The following PHF3 variants were observed in gnomAD, a reference collection of about 807,000 sequenced individuals.
PHF3 encodes PHD finger protein 3.
PHF3 carries 41 observed loss-of-function variants against 178.4 expected under a neutral mutation model. That is an observed-to-expected ratio of 0.23 (90% confidence interval 0.18 to 0.30). The LOEUF (loss-of-function observed/expected upper bound fraction) is 0.30. Ranked by LOEUF, PHF3 falls within the 10% of genes least tolerant of loss-of-function variation. PHF3 has a pLI of 1.00. For missense variants in PHF3, 2,346 were observed against 2,398.1 expected, an observed-to-expected ratio of 0.98 and a Z score of 0.45; for synonymous variants, 842 against 800.5, an observed-to-expected ratio of 1.05 and a Z score of -0.88.
intron 6 of PHF3, among the ~76,000 whole-genome samples, chr6:63,697,773 A>T (rs1582098930): frequency 6.6e-6 from 1 of 152,214 alleles, no homozygotes; most frequent in East Asian, 1.9e-4. Context: ...GTGCTGGTAT[A>T]ATAAGTCAGA....
rs1260818908 is a variant in PHF3, at chr6:63,716,550, G to A, written c.*2842G>A. ...TGTGATGAATTACTACAAGTGTAGT[G>A]GCTTAAAACCACACAAATTTATGAT... On this transcript the variant is annotated 3_prime_UTR_variant, in exon 16 of 16. Coordinates refer to ENST00000262043, the MANE Select transcript of PHF3 (RefSeq NM_001370348.2). Among the ~76,000 whole-genome samples, 2 of 152,034 alleles carry A rather than the reference G, an allele frequency of 1.3e-5. No individual in the cohort carries two copies. Among genetic ancestry groups the A allele is most frequent in the Non-Finnish European group, 2.9e-5 (2 of 67,980 alleles).
chr6:63,676,231 C>A (rs866638834), intron 2 of PHF3, among the ~76,000 whole-genome samples: 28 of 152,190 alleles, frequency 1.8e-4, no homozygotes, highest in African/African-American at 6.5e-4. Context: ...ACCTACTATA[C>A]ACAAGGTTGT....
rs1768129806 is a variant in PHF3 at position 63,714,822 on chromosome 6, T to G, written c.*1114T>G. 1 of 152,036 alleles carries G rather than the reference T, an allele frequency of 6.6e-6. No individual in the cohort carries two copies. Among genetic ancestry groups the G allele is most frequent in the African/African-American group, 2.4e-5 (1 of 41,396 alleles). The allele number at this position is 152,036 out of a possible 1,614,324, so 9.4% of individuals were successfully genotyped here. A position where few individuals can be genotyped will look rare whatever the true frequency, so the allele number is the denominator to read the frequency against. On this transcript the variant is annotated 3_prime_UTR_variant, in exon 16 of 16. Transcript: ENST00000262043. Reference sequence around the variant, plus strand: ...ATGTTTTGAATCCTTTTATAAAATGTGCGATTTAGCCTAATTCGTAAAGTA... The same window carrying G: ...ATGTTTTGAATCCTTTTATAAAATGGGCGATTTAGCCTAATTCGTAAAGTA...
chr6:63,702,106 G>A (rs1035734692), intron 9 of PHF3, among the ~76,000 whole-genome samples: 27 of 152,178 alleles, frequency 1.8e-4, no homozygotes, highest in African/African-American at 6.5e-4. Context: ...TACTATTGTG[G>A]GGGATGTTAG....
At chr6:63,670,430 G>A (rs1466482972) in intron 2 of PHF3, among the ~76,000 whole-genome samples, 1 of 151,932 alleles carries the variant, frequency 6.6e-6, no homozygotes, top group Non-Finnish European at 1.5e-5. Context: ...CACCGTGCCT[G>A]GCTAATTTTT....
At position 63,706,731 on chromosome 6, in the gene PHF3, C is replaced by T. The variant is rs1767710228; in HGVS notation, c.3566C>T (p.Pro1189Leu). 7 of 1,612,836 alleles carry T rather than the reference C, an allele frequency of 4.3e-6. No homozygotes were observed. Among genetic ancestry groups the T allele is most frequent in the Non-Finnish European group, 5.9e-6 (7 of 1,179,478 alleles). The change falls in exon 13 of 16, where the codon CCA (proline) becomes CTA (leucine). Residue 1189 changes from proline to leucine, a missense_variant and splice_region_variant. By Grantham distance (98) the Pro-to-Leu change is moderately conservative (BLOSUM62 -3). This residue lies in a region of PHF3 where 205 missense variants were observed against 212.4 expected (regional missense o/e 0.97). Transcript: ENST00000262043. ...GGCTTTTTAATGTCATTTTCTAGTC[C>T]AGAGATGCCTGGAACTGTTGAAGTT... ...PKSTFSPAPR[P>L]EMPGTVEVES...
In PHF3 at chr6:63,635,966, AAT is replaced by A. The variant is rs1764310832; in HGVS notation, c.-208_-207del. ...TTAGGAGGGCGGCGCGGAAGCCAAGAATAGTGTCGTCAGCAGCAGCCATTTGG... is the reference window on the plus strand; with the variant it reads ...TTAGGAGGGCGGCGCGGAAGCCAAGAAGTGTCGTCAGCAGCAGCCATTTGG... On this transcript the variant is annotated 5_prime_UTR_variant, in exon 1 of 16. It removes the in-frame stop codon of an upstream open reading frame in the 5' UTR. Coordinates refer to ENST00000262043, the MANE Select transcript of PHF3 (RefSeq NM_001370348.2). 7.5e-6 allele frequency: 3 copies of A among 398,080 alleles called. No individual in the cohort carries two copies. Among genetic ancestry groups the A allele is most frequent in the Non-Finnish European group, 1.3e-5 (3 of 225,704 alleles). 24.7% of individuals were successfully genotyped at this position (398,080 alleles called of 1,614,324 possible).
chr6:63,647,995 A>G (rs1461734246), intron 2 of PHF3, among the ~76,000 whole-genome samples: 1 of 152,148 alleles, frequency 6.6e-6, no homozygotes. Flanking sequence ...TTTAAATTTA[A>G]TACGGCAATA....
intron 2 of PHF3, among the ~76,000 whole-genome samples, chr6:63,656,031 A>T (rs941591228): frequency 1.3e-5 from 2 of 152,252 alleles, no homozygotes; most frequent in Non-Finnish European, 2.9e-5. Context: ...AACAAAAGTA[A>T]CAATTGAACT....
chr6:63,720,646 A>G lies in PHF3; in HGVS notation c.*6938A>G. 1 of 1,530,708 alleles carries G rather than the reference A, an allele frequency of 6.5e-7. No individual in the cohort carries two copies. The highest frequency in any genetic ancestry group is 8.8e-7 in the Non-Finnish European group (1 of 1,137,750). The allele number at this position is 1,530,708 out of a possible 1,614,324, so 94.8% of individuals were successfully genotyped here. On this transcript the variant is annotated 3_prime_UTR_variant, in exon 16 of 16. Transcript: ENST00000262043. ...CCATCATAAACATTGTATCCTTCTA[A>G]TTTAATTAGTTCAATGTTTTTTGGT...
At position 63,717,356 on chromosome 6, in the gene PHF3, T is replaced by C. The variant is rs539384785; in HGVS notation, c.*3648T>C. On this transcript the variant is annotated 3_prime_UTR_variant, in exon 16 of 16. Transcript: ENST00000262043. ...TTGGATATACTAGTTGTACTATGCT[T>C]ATCTCAGATCCCTGTAACACTGGTC... Among the ~76,000 whole-genome samples, 5 of 152,206 alleles carry C rather than the reference T, an allele frequency of 3.3e-5. No individual in the cohort carries two copies. Among genetic ancestry groups the C allele is most frequent in the African/African-American group, 1.2e-4 (5 of 41,548 alleles).
intron 6 of PHF3, among the ~76,000 whole-genome samples, chr6:63,696,544 C>T (rs1400202140): frequency 6.6e-6 from 1 of 152,166 alleles, no homozygotes; most frequent in Non-Finnish European, 1.5e-5. Flanking sequence ...GTCTCAAACT[C>T]CTGGCCTTCA....
At chr6:63,701,289 G>A (rs887942996) in intron 9 of PHF3, among the ~76,000 whole-genome samples, 2 of 152,048 alleles carry the variant, frequency 1.3e-5, no homozygotes, top group South Asian at 2.1e-4. Flanking sequence ...ATTTAATTAC[G>A]TGTCTCAGAC....
intron 1 of PHF3, among the ~76,000 whole-genome samples, chr6:63,639,431 A>G (rs971061245): frequency 6.6e-6 from 1 of 151,876 alleles, no homozygotes. Context: ...TGAGGCTTAC[A>G]TTTTGTTTTT....
Position 63,684,376 on chromosome 6 carries a change from T to A in PHF3, c.654T>A (p.Ser218Arg). Residue 218 changes from serine to arginine, a missense_variant, in exon 4 of 16, where the codon AGT (serine) becomes AGA (arginine). Ser to Arg is a moderately radical substitution (Grantham distance 110). Coordinates refer to ENST00000262043, the MANE Select transcript of PHF3 (RefSeq NM_001370348.2). ...TACCTGAAGTATCAGTGTCTTCAAG[T>A]CATTCTTCAGTGTCATCTTGTCTTG... ...EVVPEVSVSS[S>R]HSSVSSCLEM... The A allele has an allele frequency of 6.2e-7, 1 of 1,614,032 alleles. No homozygotes were observed.
rs1768166519 is a variant in PHF3 at position 63,715,692 on chromosome 6, A to G, written c.*1984A>G. On this transcript the variant is annotated 3_prime_UTR_variant, in exon 16 of 16. Transcript: ENST00000262043. ...GGCAAGGCCCATATAGCTTTCTATT[A>G]GGGATGAGCATCTCCAGGGGTTAGA... is the stretch of plus-strand genomic sequence containing the variant. Among the ~76,000 whole-genome samples the G allele has an allele frequency of 6.6e-6, 1 of 152,158 alleles. No homozygotes were observed. The highest frequency in any genetic ancestry group is 2.1e-4 in the South Asian group (1 of 4,838).
chr6:63,690,793 A>C (rs925307380), intron 4 of PHF3, among the ~76,000 whole-genome samples: 1 of 152,194 alleles, frequency 6.6e-6, no homozygotes, highest in African/African-American at 2.4e-5. Flanking sequence ...AAAGCAGGTA[A>C]ATTAAATTGC....
Position 63,713,915 on chromosome 6 carries a change from A to G in PHF3, c.*207A>G, listed in dbSNP as rs1469363515. 2 of 411,144 alleles carry G rather than the reference A, an allele frequency of 4.9e-6. No individual in the cohort carries two copies. Among genetic ancestry groups the G allele is most frequent in the African/African-American group, 2.1e-5 (1 of 48,600 alleles). The allele number at this position is 411,144 out of a possible 1,614,324, so 25.5% of individuals were successfully genotyped here. Reference sequence around the variant, plus strand: ...CTTCATACCAACGGTCCCTAGTTATAGGAATTTAATATTTTTAAAAGTTTT... The same window carrying G: ...CTTCATACCAACGGTCCCTAGTTATGGGAATTTAATATTTTTAAAAGTTTT... On this transcript the variant is annotated 3_prime_UTR_variant, in exon 16 of 16. Transcript: ENST00000262043.
At position 63,724,637 on chromosome 6, in the gene PHF3, AT is replaced by A. The variant is rs1042765054; in HGVS notation, c.*10932del. Among the ~76,000 whole-genome samples the A allele has an allele frequency of 1.3e-4, 20 of 152,218 alleles. No homozygotes were observed. The highest frequency in any genetic ancestry group is 4.8e-4 in the African/African-American group (20 of 41,562). ...ATAGATGAAAAGGGACCAGAGTCTT[AT>A]TTCTTTAAAATATCTTTCAAAAATC... On this transcript the variant is annotated 3_prime_UTR_variant, in exon 16 of 16. Coordinates refer to ENST00000262043, the MANE Select transcript of PHF3 (RefSeq NM_001370348.2).
Sources: gnomAD v4.1 joint callset for allele counts (sites outside exome capture counted in the v4.1 genomes callset) on GRCh38, gnomAD v4.1.1 for gene constraint, gnomAD v4.1.1 regional missense constraint, MANE v1.5 for transcripts, NCBI Gene and HGNC (gene_info 2026-07-23, HGNC 2026-07-21) for gene names.